ANK3: variants seen among roughly 807,000 people sequenced by gnomAD.
ANK3 encodes ankyrin-3.
ANK3 carries 57 observed loss-of-function variants against 370.9 expected under a neutral mutation model. The ratio of observed to expected loss-of-function variants is 0.15; its 90% CI spans 0.12 to 0.19. The LOEUF (loss-of-function observed/expected upper bound fraction) is 0.19. ANK3 is among the 10% of genes least tolerant of loss of function. ANK3 has a pLI of 1.00. For missense variants in ANK3, 4,439 were observed against 5,302.1 expected, an observed-to-expected ratio of 0.84 and a Z score of 5.06; for synonymous variants, 1,929 against 1,946.3, an observed-to-expected ratio of 0.99 and a Z score of 0.23.
chr10:60,282,329 C>G (rs1241569261), intron 1 of ANK3, among the ~76,000 whole-genome samples: 1 of 152,160 alleles, frequency 6.6e-6, no homozygotes, highest in Admixed American at 6.5e-5. Context: ...TTTAATAATT[C>G]CATACACTGT....
chr10:60,171,213 G>A (rs1179126760), intron 21 of ANK3, among the ~76,000 whole-genome samples: 1 of 152,122 alleles, frequency 6.6e-6, no homozygotes, highest in Non-Finnish European at 1.5e-5. Flanking sequence ...GTTCGGAATG[G>A]GTGCTGCTTG....
intron 27 of ANK3, 41 bp from the exon 28 acceptor site, chr10:60,106,100 A>G (rs898174676): frequency 6.5e-7 from 1 of 1,527,364 alleles, no homozygotes; most frequent in Middle Eastern, 1.7e-4. Context: ...CAAATTAAAT[A>G]TATTTATAGT....
chr10:60,519,055 C>A (rs2076289356), intron 2 of ANK3, among the ~76,000 whole-genome samples: 1 of 152,082 alleles, frequency 6.6e-6, no homozygotes. Context: ...TGCTGGAGAG[C>A]ACAGTAAGAG....
chr10:60,138,174 G>T (rs554098332), intron 24 of ANK3, among the ~76,000 whole-genome samples: 4 of 152,176 alleles, frequency 2.6e-5, no homozygotes, highest in African/African-American at 9.7e-5. Context: ...ATTAGACAAT[G>T]AAACTTTCTA....
At chr10:60,607,231 A>G (rs1387110385) in intron 2 of ANK3, among the ~76,000 whole-genome samples, 1 of 152,140 alleles carries the variant, frequency 6.6e-6, no homozygotes. Context: ...GGTGTTATAA[A>G]CCATCCCATA....
In ANK3 at chr10:60,117,763, G is replaced by A. The variant is rs149282947; in HGVS notation, c.2842-3432C>T. On this transcript the variant is annotated intron_variant, in intron 25 of 43. Coordinates refer to ENST00000280772, the MANE Select transcript of ANK3 (RefSeq NM_020987.5). ...CGGGAGGCGGAGGTTGCAGTGAGCC[G>A]AGATTGCGCCACTGCACTCCAGCCT... 7.4e-3 allele frequency among the ~76,000 whole-genome samples: 1,133 copies of A among 152,216 alleles called. 16 individuals are homozygous for A. The highest frequency in any genetic ancestry group is 0.026 in the African/African-American group (1,080 of 41,518).
intron 12 of ANK3, among the ~76,000 whole-genome samples, chr10:60,202,377 C>G (rs1481337277): frequency 6.6e-6 from 1 of 152,130 alleles, no homozygotes; most frequent in Non-Finnish European, 1.5e-5. Context: ...CCTGCCTCAG[C>G]CTCCCAAAGT....
chr10:60,079,174 TAC>T (rs58239281), intron 36 of ANK3, among the ~76,000 whole-genome samples: 2,694 of 113,770 alleles, frequency 0.024, 66 homozygotes, highest in Admixed American at 0.085. Context: ...GCTACCTAGC[TAC>T]ACACACACAC....
At position 60,161,096 on chromosome 10, in the gene ANK3, A is replaced by G. The variant is rs2095488703; in HGVS notation, c.2614+5495T>C. ...ATCCAAATTAGAAAAGAAGTAGTTAAATTATCCTTATTTGCAGATGATAAA... is the reference window on the plus strand; with the variant it reads ...ATCCAAATTAGAAAAGAAGTAGTTAGATTATCCTTATTTGCAGATGATAAA... On this transcript the variant is annotated intron_variant, in intron 23 of 43. Transcript: ENST00000280772. 2.6e-5 allele frequency among the ~76,000 whole-genome samples: 4 copies of G among 152,332 alleles called. No individual in the cohort carries two copies. In the South Asian group the frequency reaches 8.3e-4, roughly 32 times the overall value.
intron 5 of ANK3, among the ~76,000 whole-genome samples, chr10:60,265,545 G>T (rs545013844): frequency 7.9e-5 from 12 of 151,712 alleles, no homozygotes; most frequent in African/African-American, 2.4e-4. Flanking sequence ...TTCTGCAAAG[G>T]TTTCATTATT....
At chr10:60,467,173 C>A (rs934172566) in intron 2 of ANK3, among the ~76,000 whole-genome samples, 2 of 152,128 alleles carry the variant, frequency 1.3e-5, no homozygotes, top group African/African-American at 4.8e-5. Flanking sequence ...TATTGGCTGA[C>A]TCAAAATGCA....
chr10:60,577,025 T>C (rs1312139168), intron 2 of ANK3, among the ~76,000 whole-genome samples: 1 of 152,198 alleles, frequency 6.6e-6, no homozygotes, highest in Non-Finnish European at 1.5e-5. Flanking sequence ...TACTTTCAAT[T>C]TGAAAAAGAA....
At chr10:60,362,935 T>A (rs1046248827) in intron 1 of ANK3, among the ~76,000 whole-genome samples, 3 of 152,096 alleles carry the variant, frequency 2.0e-5, no homozygotes, top group Non-Finnish European at 4.4e-5. Flanking sequence ...GGAGAGTAGA[T>A]AGGGTGGGCT....
Position 60,072,558 on chromosome 10 carries a change from C to T in ANK3, c.8323G>A (p.Asp2775Asn), listed in dbSNP as rs142507637. The change falls in exon 37 of 44, where the codon GAT (aspartate) becomes AAT (asparagine). Residue 2775 changes from aspartate to asparagine, a missense_variant. Asp to Asn is a conservative substitution (Grantham distance 23). Transcript: ENST00000280772. ...TCTTTTTGCACAGATACACTTTCATCTGGGAGGTCTATGGCCTTCTGCTGT... is the reference window on the plus strand; with the variant it reads ...TCTTTTTGCACAGATACACTTTCATTTGGGAGGTCTATGGCCTTCTGCTGT... The part of the protein sequence containing the change: ...EKQQKAIDLP[D>N]ESVSVQKDFM... The T allele has an allele frequency of 3.5e-5, 57 of 1,613,426 alleles. No individual in the cohort carries two copies. In the East Asian group the frequency reaches 1.2e-3, roughly 35 times the overall value.
intron 2 of ANK3, among the ~76,000 whole-genome samples, chr10:60,395,550 CTCTTTCTTTCTTTCTT>C (rs58204421): frequency 0.056 from 6,100 of 108,350 alleles, 209 homozygotes; most frequent in Admixed American, 0.12. Flanking sequence ...ACTACTATGC[CTCTTTCTTTCTTTCTT>C]TCTTTCTTTC....
intron 1 of ANK3, among the ~76,000 whole-genome samples, chr10:60,706,706 T>C (rs2079624439): frequency 6.6e-6 from 1 of 152,204 alleles, no homozygotes; most frequent in African/African-American, 2.4e-5. Flanking sequence ...CTTTACATGT[T>C]ATGAGTAGTA....
intron 2 of ANK3, among the ~76,000 whole-genome samples, chr10:60,415,759 C>T (rs1310707362): frequency 2.0e-5 from 3 of 152,072 alleles, no homozygotes; most frequent in Admixed American, 2.0e-4. Flanking sequence ...ATATTTCACC[C>T]AAGCAGCAAA....
chr10:60,585,309 T>C (rs1462454286), intron 2 of ANK3, among the ~76,000 whole-genome samples: 1 of 152,206 alleles, frequency 6.6e-6, no homozygotes, highest in Non-Finnish European at 1.5e-5. Context: ...TTATGTATAT[T>C]GGTTGTTATT....
intron 1 of ANK3, among the ~76,000 whole-genome samples, chr10:60,306,723 G>T (rs1004985934): frequency 6.6e-6 from 1 of 152,088 alleles, no homozygotes; most frequent in Admixed American, 6.5e-5. Context: ...CATCATTTTT[G>T]AGATGAAGAA....
Sources: allele counts gnomAD v4.1 joint callset (sites outside exome capture counted in the v4.1 genomes callset), GRCh38; gene constraint gnomAD v4.1.1; transcripts MANE v1.5; gene names NCBI Gene and HGNC (gene_info 2026-07-23, HGNC 2026-07-21).